Variants in AFG1L observed in about 807,000 individuals in gnomAD.
The protein encoded by AFG1L is AFG1-like ATPase.
AFG1L carries 53 observed loss-of-function variants against 62.2 expected under a neutral mutation model. The observed-to-expected ratio is 0.85, with a 90% CI of 0.68 to 1.07. The LOEUF is 1.07. Ranked by LOEUF, AFG1L falls within the 50% of genes least tolerant of loss-of-function variation. The pLI, the probability that AFG1L is intolerant of heterozygous loss-of-function variation, is 0.00. For missense variants in AFG1L, 555 were observed against 590.5 expected, an observed-to-expected ratio of 0.94 and a Z score of 0.62; for synonymous variants, 228 against 210.3, an observed-to-expected ratio of 1.08 and a Z score of -0.73.
At chr6:108,331,808 C>G (rs979864745) in intron 2 of AFG1L, among the ~76,000 whole-genome samples, 1 of 152,120 alleles carries the variant, frequency 6.6e-6, no homozygotes, top group Non-Finnish European at 1.5e-5. Flanking sequence ...CTCTGAAAAT[C>G]TCTATTTCCA....
chr6:108,392,016 G>A (rs1353390685), intron 6 of AFG1L: 1 of 152,056 alleles, frequency 6.6e-6, no homozygotes, highest in Non-Finnish European at 1.5e-5. Context: ...TTAATGATAT[G>A]TCATATTTTT....
At chr6:108,510,692 G>A (rs1039300279) in intron 11 of AFG1L, among the ~76,000 whole-genome samples, 23 of 152,170 alleles carry the variant, frequency 1.5e-4, no homozygotes, top group Non-Finnish European at 2.5e-4. Context: ...CAGCTTATGC[G>A]CTTCATCTAT....
intron 11 of AFG1L, among the ~76,000 whole-genome samples, chr6:108,513,702 A>G (rs1242403174): frequency 1.3e-5 from 2 of 152,188 alleles, no homozygotes; most frequent in Non-Finnish European, 2.9e-5. Context: ...GCATAGCCAA[A>G]AAAAAGGCAG....
intron 1 of AFG1L, among the ~76,000 whole-genome samples, chr6:108,310,304 C>T (rs77927470): frequency 0.022 from 3,393 of 152,198 alleles, 122 homozygotes; most frequent in African/African-American, 0.077. Flanking sequence ...CTTATCATTG[C>T]GATCCTAGTA....
At chr6:108,397,348 G>A (rs1226223859) in intron 6 of AFG1L, among the ~76,000 whole-genome samples, 2 of 151,740 alleles carry the variant, frequency 1.3e-5, no homozygotes, top group Non-Finnish European at 2.9e-5. Context: ...GGCTGGTCTC[G>A]AACTCCTGAC....
chr6:108,502,638 C>T (rs1452522365), intron 10 of AFG1L, among the ~76,000 whole-genome samples: 2 of 152,162 alleles, frequency 1.3e-5, no homozygotes, highest in South Asian at 2.1e-4. Flanking sequence ...CCATACCCAA[C>T]CTCTTGCCTC....
intron 1 of AFG1L, among the ~76,000 whole-genome samples, chr6:108,299,923 T>TA (rs1318519103): frequency 6.6e-6 from 1 of 152,318 alleles, no homozygotes; most frequent in African/African-American, 2.4e-5. Flanking sequence ...ATAGGTTTTC[T>TA]AAAACCTAAA....
intron 10 of AFG1L, among the ~76,000 whole-genome samples, chr6:108,508,278 G>A (rs1193556575): frequency 6.6e-6 from 1 of 152,134 alleles, no homozygotes; most frequent in Non-Finnish European, 1.5e-5. Flanking sequence ...TCAACAGCAG[G>A]ATTCTCTTGG....
chr6:108,429,012 A>G (rs1291090912), intron 7 of AFG1L, among the ~76,000 whole-genome samples: 1 of 152,106 alleles, frequency 6.6e-6, no homozygotes, highest in Non-Finnish European at 1.5e-5. Flanking sequence ...GCCAATGTCC[A>G]GAAGAGTTTT....
At chr6:108,468,994 C>T (rs1455824476) in intron 8 of AFG1L, among the ~76,000 whole-genome samples, 1 of 151,922 alleles carries the variant, frequency 6.6e-6, no homozygotes, top group East Asian at 1.9e-4. Context: ...TCTTTGCTTC[C>T]TCCAGGGTCC....
intron 8 of AFG1L, among the ~76,000 whole-genome samples, chr6:108,473,213 T>G (rs574680365): frequency 9.2e-5 from 14 of 152,338 alleles, no homozygotes; most frequent in African/African-American, 2.9e-4. Context: ...ACATGTAATT[T>G]CACTATATAG....
At position 108,464,028 on chromosome 6, in the gene AFG1L, C is replaced by T. The variant is rs958777345; in HGVS notation, c.891-12837C>T. Among the ~76,000 whole-genome samples, 5 of 152,070 alleles carry T rather than the reference C, an allele frequency of 3.3e-5. No homozygotes were observed. The East Asian group carries it at 5.8e-4, about 18-fold the overall frequency. On this transcript the variant is annotated intron_variant, in intron 8 of 12. Transcript: ENST00000368977. The stretch of plus-strand genomic sequence containing the variant: ...CTCTAAGAGGAAGGGGAAATTTCTG[C>T]GTCGAATCAACTTTGGCTCTCTGGA...
intron 6 of AFG1L, among the ~76,000 whole-genome samples, chr6:108,382,017 T>TTTA: frequency 6.7e-6 from 1 of 150,328 alleles, no homozygotes; most frequent in South Asian, 2.1e-4. Flanking sequence ...TTTTTTTTTT[T>TTTA]GAGATGGAGC....
At chr6:108,495,207 A>G (rs773471077) in intron 10 of AFG1L, among the ~76,000 whole-genome samples, 1 of 152,194 alleles carries the variant, frequency 6.6e-6, no homozygotes, top group East Asian at 1.9e-4. Context: ...AGCATTTTCT[A>G]TTAAAAGGTA....
chr6:108,509,888 T>C (rs190292856), intron 10 of AFG1L, among the ~76,000 whole-genome samples: 74 of 152,350 alleles, frequency 4.9e-4, no homozygotes, highest in Non-Finnish European at 5.3e-4. Context: ...TCAGTTAGGA[T>C]TTAGTGTCTC....
chr6:108,324,538 T>C (rs190782587), intron 2 of AFG1L, among the ~76,000 whole-genome samples: 1 of 152,248 alleles, frequency 6.6e-6, no homozygotes, highest in East Asian at 1.9e-4. Flanking sequence ...GAGGGTCTTA[T>C]TGGTGGGTTC....
At chr6:108,478,723 A>G (rs544884378) in intron 10 of AFG1L, among the ~76,000 whole-genome samples, 1 of 152,286 alleles carries the variant, frequency 6.6e-6, no homozygotes, top group African/African-American at 2.4e-5. Flanking sequence ...AGAAGAGGGG[A>G]ACGGGAAAAG....
chr6:108,388,387 T>G (rs959640539), intron 6 of AFG1L, among the ~76,000 whole-genome samples: 2 of 151,914 alleles, frequency 1.3e-5, no homozygotes, highest in African/African-American at 4.8e-5. Flanking sequence ...TCAGTTCTGC[T>G]CTGATTTTAG....
intron 7 of AFG1L, among the ~76,000 whole-genome samples, chr6:108,434,912 C>A (rs985958967): frequency 1.3e-5 from 2 of 152,192 alleles, no homozygotes; most frequent in African/African-American, 4.8e-5. Context: ...TTGAAACATT[C>A]TTTCCTACAT....
Sources: gnomAD v4.1 joint callset for allele counts (sites outside exome capture counted in the v4.1 genomes callset) on GRCh38, gnomAD v4.1.1 for gene constraint, MANE v1.5 for transcripts, NCBI Gene and HGNC (gene_info 2026-07-23, HGNC 2026-07-21) for gene names.